CTXND2: variants seen among roughly 807,000 people sequenced by gnomAD.
CTXND2 encodes cortexin domain containing 2.
At chr1:150,897,046 C>T (rs1668922258) in intron 1 of CTXND2, among the ~76,000 whole-genome samples, 1 of 152,028 alleles carries the variant, frequency 6.6e-6, no homozygotes, top group Non-Finnish European at 1.5e-5. Flanking sequence ...CTGTGAGAAG[C>T]CCACTATTGC....
chr1:150,902,353 G>T (rs1669053772), intron 1 of CTXND2, among the ~76,000 whole-genome samples: 1 of 151,802 alleles, frequency 6.6e-6, no homozygotes, highest in African/African-American at 2.4e-5. Context: ...CTTGCAGTGA[G>T]CTGAGATTGG....
chr1:150,906,377 A>G (rs986641386), intron 1 of CTXND2, among the ~76,000 whole-genome samples: 5 of 152,294 alleles, frequency 3.3e-5, no homozygotes, highest in African/African-American at 1.2e-4. Context: ...TATGGGATGT[A>G]CAAAATTTGT....
chr1:150,906,941 A>C (rs1234775261), intron 1 of CTXND2, among the ~76,000 whole-genome samples: 9 of 152,158 alleles, frequency 5.9e-5, no homozygotes, highest in Non-Finnish European at 1.3e-4. Flanking sequence ...AAAAAACTAC[A>C]AACATCCTTC....
chr1:150,900,620 C>T (rs763211862), intron 1 of CTXND2, among the ~76,000 whole-genome samples: 38 of 151,738 alleles, frequency 2.5e-4, no homozygotes, highest in Admixed American at 1.5e-3. Context: ...TGCATTCCAG[C>T]CTGGGCCACA....
At chr1:150,898,717 C>A (rs1255953987) in intron 1 of CTXND2, among the ~76,000 whole-genome samples, 4 of 147,710 alleles carry the variant, frequency 2.7e-5, no homozygotes, top group African/African-American at 1.0e-4. Flanking sequence ...GATCGTGCCA[C>A]TGCACTTCAG....
chr1:150,905,634 T>G (rs1191574807), intron 1 of CTXND2, among the ~76,000 whole-genome samples: 1 of 152,096 alleles, frequency 6.6e-6, no homozygotes, highest in Non-Finnish European at 1.5e-5. Flanking sequence ...CCAAATCTCA[T>G]GAGAAGATGG....
At chr1:150,905,052 A>G (rs1244174394) in intron 1 of CTXND2, among the ~76,000 whole-genome samples, 1 of 132,928 alleles carries the variant, frequency 7.5e-6, no homozygotes, top group Non-Finnish European at 1.6e-5. Flanking sequence ...CAAGATAATC[A>G]AAAAGAAAAC....
rs587770039 is a variant in CTXND2 at position 150,893,158 on chromosome 1, T to A, written c.-74+5845T>A. 2.0e-5 allele frequency among the ~76,000 whole-genome samples: 3 copies of A among 152,362 alleles called. No individual in the cohort carries two copies. In the South Asian group the frequency reaches 6.2e-4, roughly 32 times the overall value. On this transcript the variant is annotated intron_variant, in intron 1 of 1. Transcript: ENST00000636087. The stretch of plus-strand genomic sequence containing the variant: ...TGATGCTTTTTTAAAAATTACATTT[T>A]CTTGTGTGTTGCTGGTATTTAGAAA...
At chr1:150,905,976 C>G (rs1374936776) in intron 1 of CTXND2, among the ~76,000 whole-genome samples, 1 of 148,644 alleles carries the variant, frequency 6.7e-6, no homozygotes, top group Non-Finnish European at 1.5e-5. Flanking sequence ...GGCGACAGAG[C>G]GAGACTCCAT....
intron 1 of CTXND2, among the ~76,000 whole-genome samples, chr1:150,900,152 C>T (rs1182222929): frequency 2.0e-5 from 3 of 152,134 alleles, no homozygotes; most frequent in African/African-American, 4.8e-5. Flanking sequence ...AATAAATCTT[C>T]CTGCTGCTCA....
At chr1:150,891,669 A>C (rs914266258) in intron 1 of CTXND2, among the ~76,000 whole-genome samples, 3 of 152,240 alleles carry the variant, frequency 2.0e-5, no homozygotes, top group Non-Finnish European at 4.4e-5. Context: ...CTATCTATTC[A>C]GTAAAATATA....
intron 1 of CTXND2, among the ~76,000 whole-genome samples, chr1:150,910,877 T>C (rs1669243725): frequency 6.6e-6 from 1 of 152,036 alleles, no homozygotes; most frequent in African/African-American, 2.4e-5. Flanking sequence ...TGATCTCGGC[T>C]CACCGCAAGC....
At chr1:150,910,590 T>C (rs1238320431) in intron 1 of CTXND2, among the ~76,000 whole-genome samples, 1 of 151,994 alleles carries the variant, frequency 6.6e-6, no homozygotes, top group Non-Finnish European at 1.5e-5. Flanking sequence ...AGTTTAAAAT[T>C]ACTTGGTCAT....
In CTXND2 at chr1:150,912,060, TTGTGTGTA is replaced by T. The variant is rs1455723810; in HGVS notation, c.-73-172_-73-165del. Reference sequence around the variant, plus strand: ...GAGTAATTCTTCGGATATTTTATACTTGTGTGTATGTGTGTATCTTGTCAGTCATCTAT... The same window carrying T: ...GAGTAATTCTTCGGATATTTTATACTTGTGTGTATCTTGTCAGTCATCTAT... On this transcript the variant is annotated intron_variant, in intron 1 of 1. Coordinates refer to ENST00000636087, the Ensembl canonical transcript of CTXND2. Among the ~76,000 whole-genome samples the T allele has an allele frequency of 3.9e-5, 6 of 152,352 alleles. No individual in the cohort carries two copies. The East Asian group carries it at 1.2e-3, about 29-fold the overall frequency.
intron 1 of CTXND2, among the ~76,000 whole-genome samples, chr1:150,905,105 A>ACACAC (rs1669115217): frequency 9.3e-6 from 1 of 107,164 alleles, no homozygotes; most frequent in African/African-American, 3.3e-5. Flanking sequence ...CACACACACA[A>ACACAC]ATCACCCTTC....
chr1:150,888,578 A>G (rs778126262), intron 1 of CTXND2, among the ~76,000 whole-genome samples: 27 of 151,986 alleles, frequency 1.8e-4, no homozygotes, highest in Admixed American at 2.0e-4. Context: ...TGTTGTATAA[A>G]TTTTAGGCCA....
intron 1 of CTXND2, among the ~76,000 whole-genome samples, chr1:150,910,186 G>A (rs1669227186): frequency 7.0e-6 from 1 of 142,110 alleles, no homozygotes; most frequent in Non-Finnish European, 1.5e-5. Context: ...CTGGAGTGCA[G>A]TGGCATGATC....
intron 1 of CTXND2, among the ~76,000 whole-genome samples, chr1:150,900,657 CAAAAA>C (rs5777742): frequency 6.7e-6 from 1 of 150,020 alleles, no homozygotes; most frequent in Admixed American, 6.6e-5. Context: ...AAAAACAAAC[CAAAAA>C]AAAACCCTGA....
chr1:150,904,297 C>T, intron 1 of CTXND2: 1 of 408,572 alleles, frequency 2.4e-6, no homozygotes, highest in South Asian at 2.0e-5. Context: ...GCTTATACAC[C>T]AGAATTCAGA....
Sources: gnomAD v4.1 joint callset for allele counts (sites outside exome capture counted in the v4.1 genomes callset) on GRCh38, gnomAD v4.1.1 for gene constraint, MANE v1.5 for transcripts, NCBI Gene and HGNC (gene_info 2026-07-23, HGNC 2026-07-21) for gene names.